The following RASA1 variants were observed in gnomAD, a reference collection of about 807,000 sequenced individuals.
RASA1 encodes the protein RAS p21 protein activator 1.
A neutral mutation model predicts 132.2 loss-of-function variants in RASA1; 25 were observed. The ratio of observed to expected loss-of-function variants is 0.19; its 90% CI spans 0.14 to 0.26. RASA1 has a LOEUF of 0.26. Among genes scored for constraint, RASA1 ranks in the 10% least tolerant of loss-of-function variants. RASA1 has a pLI of 1.00. For synonymous variants in RASA1, 477 were observed against 449.9 expected, an observed-to-expected ratio of 1.06 and a Z score of -0.76; for missense variants, 964 against 1,299.2, an observed-to-expected ratio of 0.74 and a Z score of 3.97.
chr5:87,331,357 C>G lies in RASA1; in HGVS notation c.549C>G (p.His183Gln). 1 of 1,607,990 alleles carries G rather than the reference C, an allele frequency of 6.2e-7. No homozygotes were observed. ...LTAPPTNQWY[H>Q]GKLDRTIAEE... ...TCTGTTTTTCCCCTAGGTGGTATCACGGAAAACTTGACAGAACGATAGCAG... is the reference window on the plus strand; with the variant it reads ...TCTGTTTTTCCCCTAGGTGGTATCAGGGAAAACTTGACAGAACGATAGCAG... The change falls in exon 2 of 25, where the codon CAC (histidine) becomes CAG (glutamine). Residue 183 changes from histidine (H) to glutamine (Q), a missense_variant. Transcript: ENST00000274376.
At chr5:87,378,212 G>A (rs1305853641) in intron 17 of RASA1, among the ~76,000 whole-genome samples, 184 bp from the exon 18 acceptor site, 2 of 152,162 alleles carry the variant, frequency 1.3e-5, no homozygotes, top group African/African-American at 4.8e-5. Flanking sequence ...ACATATGAAA[G>A]TCTTACAGAG....
chr5:87,269,002 C>CTGCT lies in RASA1; in HGVS notation c.539+13_539+16dup. The CTGCT allele has an allele frequency of 1.2e-6, 2 of 1,614,200 alleles. No individual in the cohort carries two copies. The highest frequency in any genetic ancestry group is 1.7e-6 in the Non-Finnish European group (2 of 1,180,040). On this transcript the variant is annotated intron_variant, in intron 1 of 24. Transcript: ENST00000274376. ...CCTCCAACTAACCAGTAAGTTAAGA[C>CTGCT]TGCTGTTCAGGAATTTGGGAAGCTG... is the stretch of plus-strand genomic sequence containing the variant.
chr5:87,324,729 G>T (rs887260570), intron 1 of RASA1, among the ~76,000 whole-genome samples: 1 of 151,802 alleles, frequency 6.6e-6, no homozygotes, highest in Non-Finnish European at 1.5e-5. Context: ...ATATAAACAC[G>T]CCCTCTTCTC....
chr5:87,382,699 A>G (rs1313898914), intron 20 of RASA1, among the ~76,000 whole-genome samples: 1 of 152,198 alleles, frequency 6.6e-6, no homozygotes. Context: ...ATAAAATCAT[A>G]TATGACAGCT....
chr5:87,319,876 T>G (rs1415008794), intron 1 of RASA1, among the ~76,000 whole-genome samples: 1 of 152,260 alleles, frequency 6.6e-6, no homozygotes, highest in Non-Finnish European at 1.5e-5. Context: ...TCCAAACTTT[T>G]ATGTTCTGCT....
At chr5:87,340,077 T>C (rs1255717799) in intron 5 of RASA1, among the ~76,000 whole-genome samples, 1 of 152,180 alleles carries the variant, frequency 6.6e-6, no homozygotes, top group Admixed American at 6.5e-5. Context: ...TTGCCTAGAA[T>C]AGTGTCTGGC....
At chr5:87,280,061 T>A (rs942127294) in intron 1 of RASA1, among the ~76,000 whole-genome samples, 1 of 152,316 alleles carries the variant, frequency 6.6e-6, no homozygotes, top group African/African-American at 2.4e-5. Flanking sequence ...TAGAAGGGGA[T>A]GGGGAACTCA....
chr5:87,277,500 A>C (rs1033591430), intron 1 of RASA1, among the ~76,000 whole-genome samples: 3 of 152,186 alleles, frequency 2.0e-5, no homozygotes, highest in African/African-American at 7.2e-5. Context: ...ATGTGAGGAC[A>C]TGGTGAGGAG....
chr5:87,270,240 T>C (rs1205068145), intron 1 of RASA1, among the ~76,000 whole-genome samples: 12 of 119,248 alleles, frequency 1.0e-4, no homozygotes, highest in Admixed American at 8.6e-5. Flanking sequence ...AGACTCTGTC[T>C]CAAAAAAAAA....
At position 87,388,696 on chromosome 5, in the gene RASA1, T is replaced by C. The variant is rs550039665; in HGVS notation, c.2926-697T>C. On this transcript the variant is annotated intron_variant, in intron 23 of 24. Transcript: ENST00000274376. ...CACACATTAGCAAGTATTCTGAGCA[T>C]AGTCCACAGATAATTGCAAACCTGA... 3.3e-5 allele frequency among the ~76,000 whole-genome samples: 5 copies of C among 152,332 alleles called. No individual in the cohort carries two copies. In the East Asian group the frequency reaches 7.7e-4, roughly 23 times the overall value.
intron 1 of RASA1, among the ~76,000 whole-genome samples, chr5:87,295,120 G>T (rs1388207544): frequency 6.6e-6 from 1 of 152,064 alleles, no homozygotes; most frequent in East Asian, 1.9e-4. Context: ...AACTTTCCAT[G>T]CTCTGAAGTT....
chr5:87,336,034 C>G (rs536956783), intron 4 of RASA1, among the ~76,000 whole-genome samples: 2 of 152,240 alleles, frequency 1.3e-5, no homozygotes, highest in Admixed American at 1.3e-4. Context: ...CTTTTCACAA[C>G]TACATTCTTA....
In RASA1 at chr5:87,391,081, A is replaced by G; in HGVS notation, c.*198A>G. ...ACCTTGTAAGCTATCTGTGCAGGAT[A>G]TTTGCACTATTTCCACATGGAATCA... On this transcript the variant is annotated 3_prime_UTR_variant, in exon 25 of 25. Coordinates refer to ENST00000274376, the MANE Select transcript of RASA1 (RefSeq NM_002890.3). The G allele has an allele frequency of 1.5e-6, 1 of 647,166 alleles. No individual in the cohort carries two copies. The highest frequency in any genetic ancestry group is 2.8e-6 in the Non-Finnish European group (1 of 360,942). 40.1% of individuals were successfully genotyped at this position (647,166 alleles called of 1,614,324 possible).
At chr5:87,306,265 T>C (rs939058097) in intron 1 of RASA1, among the ~76,000 whole-genome samples, 58 of 152,274 alleles carry the variant, frequency 3.8e-4, no homozygotes, top group African/African-American at 1.4e-3. Context: ...GGTACATATA[T>C]ACCATGGAAT....
chr5:87,362,613 TA>T lies in RASA1; in HGVS notation c.1399del (p.Thr467GlnfsTer16). ...AGGAAATCTATAATACCATCCGTCG[TA>T]AAACAAAGGATGCCTTTTATAAAAA... is the stretch of plus-strand genomic sequence containing the variant. Reference protein sequence around the residue: ...GKEIYNTIRRKTKDAFYKNIV... With the variant: ...GKEIYNTIRRXTKDAFYKNIV... On this transcript the variant is annotated frameshift_variant, in exon 10 of 25. Transcript: ENST00000274376. LOFTEE classifies it high-confidence loss of function. 6.3e-7 allele frequency: 1 copy of T among 1,599,052 alleles called. No homozygotes were observed. Among genetic ancestry groups the T allele is most frequent in the Non-Finnish European group, 8.6e-7 (1 of 1,166,500 alleles).
chr5:87,349,355 A>G lies in RASA1; in HGVS notation c.1244A>G (p.Tyr415Cys). 1 of 1,611,582 alleles carries G rather than the reference A, an allele frequency of 6.2e-7. No individual in the cohort carries two copies. Among genetic ancestry groups the G allele is most frequent in the Non-Finnish European group, 8.5e-7 (1 of 1,178,348 alleles). The change falls in exon 8 of 25, where the codon TAT becomes TGT. Residue 415 changes from tyrosine (Y) to cysteine (C), a missense_variant. Around this residue, in one of 6 missense-constraint regions of RASA1, gnomAD observed 154 missense variants for 286.5 expected, o/e 0.54. Transcript: ENST00000274376. ...AATCAGTTTATGATGGGAGGCCGGT[A>G]TTATAACAGGTAAATCATAATTTTT... is the stretch of plus-strand genomic sequence containing the variant. ...PNNQFMMGGR[Y>C]YNSIGDIIDH...
At chr5:87,269,337 G>C (rs750927290) in intron 1 of RASA1, 1 of 1,526,750 alleles carries the variant, frequency 6.5e-7, no homozygotes, top group Admixed American at 2.0e-5. Flanking sequence ...CAGTCATAGT[G>C]TATATTAACT....
chr5:87,377,091 T>C (rs1398034234), intron 17 of RASA1, 51 bp downstream of exon 17: 4 of 1,544,232 alleles, frequency 2.6e-6, no homozygotes, highest in African/African-American at 2.7e-5. Context: ...TTAGATTTTA[T>C]ATCAAGGATA....
chr5:87,309,194 G>C (rs1755755947), intron 1 of RASA1, among the ~76,000 whole-genome samples: 1 of 152,062 alleles, frequency 6.6e-6, no homozygotes, highest in East Asian at 1.9e-4. Flanking sequence ...ATTTTAGGTG[G>C]TTAGGATACA....
Sources: allele counts gnomAD v4.1 joint callset (sites outside exome capture counted in the v4.1 genomes callset), GRCh38; gene constraint gnomAD v4.1.1; regional missense constraint gnomAD v4.1.1; transcripts MANE v1.5; gene names NCBI Gene and HGNC (gene_info 2026-07-23, HGNC 2026-07-21).